Variants in LNPK observed in about 807,000 individuals in gnomAD.
LNPK encodes lunapark, ER junction formation factor.
LNPK carries 29 observed loss-of-function variants against 55.2 expected under a neutral mutation model. The ratio of observed to expected loss-of-function variants is 0.53; its 90% CI spans 0.39 to 0.72. LNPK has a LOEUF of 0.72. LNPK is among the 30% of genes least tolerant of loss of function. LNPK has a pLI of 0.00. For synonymous variants in LNPK, 162 were observed against 168.2 expected, an observed-to-expected ratio of 0.96 and a Z score of 0.29; for missense variants, 467 against 494.8, an observed-to-expected ratio of 0.94 and a Z score of 0.53.
At chr2:175,987,098 A>G (rs1687456325) in intron 4 of LNPK, among the ~76,000 whole-genome samples, 1 of 152,206 alleles carries the variant, frequency 6.6e-6, no homozygotes, top group African/African-American at 2.4e-5. Context: ...CAATAAGACT[A>G]TTATTGTAGT....
At position 175,992,367 on chromosome 2, in the gene LNPK, A is replaced by C; in HGVS notation, c.121T>G (p.Leu41Val). The C allele has an allele frequency of 6.6e-7, 1 of 1,521,784 alleles. No homozygotes were observed. The highest frequency in any genetic ancestry group is 8.8e-7 in the Non-Finnish European group (1 of 1,141,470). 94.3% of individuals were successfully genotyped at this position (1,521,784 alleles called of 1,614,324 possible). Residue 41 changes from leucine (L) to valine (V), a missense_variant, in exon 4 of 13, where the codon TTA (leucine) becomes GTA (valine). Physicochemically the swap from Leu to Val is conservative, Grantham distance 32 (BLOSUM62 1). Coordinates refer to ENST00000272748, the MANE Select transcript of LNPK (RefSeq NM_030650.3). ...FREKNQRLQK[L>V]WVGRLILYSS... ...TACAGAATTAATCTTCCAACCCATA[A>C]TTTTTGTAATCTCTGATTTTTTTCC...
intron 9 of LNPK, among the ~76,000 whole-genome samples, chr2:175,946,130 T>A (rs760450843): frequency 5.9e-5 from 9 of 152,198 alleles, no homozygotes; most frequent in Non-Finnish European, 1.2e-4. Flanking sequence ...TACATGATCA[T>A]AAAATCTAGG....
chr2:175,941,899 G>A (rs2105544946), intron 9 of LNPK, among the ~76,000 whole-genome samples: 1 of 137,966 alleles, frequency 7.2e-6, no homozygotes. Context: ...AATGACAGCA[G>A]ACTTCTCATC....
At chr2:175,984,084 T>A (rs968263456) in intron 4 of LNPK, among the ~76,000 whole-genome samples, 4 of 151,950 alleles carry the variant, frequency 2.6e-5, no homozygotes, top group Non-Finnish European at 4.4e-5. Flanking sequence ...ATTAAAAACT[T>A]TTGCTCTGCA....
chr2:175,999,014 T>C (rs1688064844), intron 1 of LNPK, among the ~76,000 whole-genome samples: 1 of 152,212 alleles, frequency 6.6e-6, no homozygotes, highest in Non-Finnish European at 1.5e-5. Flanking sequence ...CTTTTAAATT[T>C]GTACTCTAAA....
intron 4 of LNPK, among the ~76,000 whole-genome samples, chr2:175,982,630 A>G (rs930393372): frequency 1.3e-5 from 2 of 152,156 alleles, no homozygotes; most frequent in Admixed American, 1.3e-4. Context: ...CCTGGCCTCA[A>G]GTGATTCTCC....
chr2:175,981,558 T>G (rs1351870808), intron 4 of LNPK, among the ~76,000 whole-genome samples: 1 of 151,986 alleles, frequency 6.6e-6, no homozygotes, highest in African/African-American at 2.4e-5. Flanking sequence ...AAAAGGAAAC[T>G]AAACATAGGC....
chr2:175,960,564 G>A (rs539704738), intron 8 of LNPK, among the ~76,000 whole-genome samples: 1 of 152,316 alleles, frequency 6.6e-6, no homozygotes, highest in African/African-American at 2.4e-5. Context: ...AAAGCAGCGT[G>A]TAGAGGGAAA....
At chr2:175,986,548 T>C (rs1035754351) in intron 4 of LNPK, among the ~76,000 whole-genome samples, 1 of 151,862 alleles carries the variant, frequency 6.6e-6, no homozygotes, top group Admixed American at 6.6e-5. Flanking sequence ...TTTCAACAAA[T>C]AAAGAATGAA....
chr2:175,936,925 C>A (rs1287796008), intron 12 of LNPK, among the ~76,000 whole-genome samples: 2 of 152,142 alleles, frequency 1.3e-5, no homozygotes, highest in African/African-American at 2.4e-5. Flanking sequence ...CTGGTAATTT[C>A]TACCAATTTG....
At chr2:175,942,935 AAAG>A (rs1368455968) in intron 9 of LNPK, among the ~76,000 whole-genome samples, 3 of 151,308 alleles carry the variant, frequency 2.0e-5, no homozygotes, top group Non-Finnish European at 4.4e-5. Context: ...GAAAAAAAAA[AAAG>A]AAGATACAAA....
In LNPK at chr2:175,924,672, T is replaced by G; in HGVS notation, c.*5295A>C. ...AAGGAATACCTGAGGCTGGGTAATT[T>G]ACTGAAAAAAAAACAAAACAAACAA... is the stretch of plus-strand genomic sequence containing the variant. On this transcript the variant is annotated 3_prime_UTR_variant, in exon 13 of 13. Coordinates refer to ENST00000272748, the MANE Select transcript of LNPK (RefSeq NM_030650.3). 1 of 140,798 alleles carries G rather than the reference T, an allele frequency of 7.1e-6. No individual in the cohort carries two copies. The allele number at this position is 140,798 out of a possible 1,614,324, so 8.7% of individuals were successfully genotyped here.
At chr2:175,955,872 T>TA (rs1685667497) in intron 8 of LNPK, among the ~76,000 whole-genome samples, 1 of 152,214 alleles carries the variant, frequency 6.6e-6, no homozygotes, top group African/African-American at 2.4e-5. Context: ...TGTGGCAAGA[T>TA]ACAATTGACT....
intron 9 of LNPK, 198 bp from the exon 10 acceptor site, chr2:175,939,855 T>C (rs899312619): frequency 6.7e-6 from 3 of 445,742 alleles, no homozygotes; most frequent in Non-Finnish European, 3.9e-6. Flanking sequence ...TATTTAAATA[T>C]GTGCTATATT....
chr2:175,936,159 C>T (rs895989644), intron 12 of LNPK, among the ~76,000 whole-genome samples: 4 of 152,148 alleles, frequency 2.6e-5, no homozygotes, highest in African/African-American at 9.7e-5. Flanking sequence ...ATGCTGCAGA[C>T]TTGGAGAAGA....
At chr2:175,976,092 A>G (rs1156702165) in intron 5 of LNPK, among the ~76,000 whole-genome samples, 2 of 152,188 alleles carry the variant, frequency 1.3e-5, no homozygotes, top group Non-Finnish European at 2.9e-5. Context: ...GTGTGGCTGG[A>G]GCAGAAGTGA....
At chr2:175,955,675 C>A (rs1204562825) in intron 8 of LNPK, among the ~76,000 whole-genome samples, 1 of 151,978 alleles carries the variant, frequency 6.6e-6, no homozygotes, top group Non-Finnish European at 1.5e-5. Context: ...CAAAAAACAG[C>A]AAAATATAAA....
intron 8 of LNPK, among the ~76,000 whole-genome samples, chr2:175,960,775 G>C (rs1298926244): frequency 6.6e-6 from 1 of 152,082 alleles, no homozygotes; most frequent in African/African-American, 2.4e-5. Context: ...TCCAGGAGCT[G>C]GTTTTTGAAA....
At chr2:175,980,969 T>TG (rs1341041032) in intron 4 of LNPK, among the ~76,000 whole-genome samples, 1 of 151,844 alleles carries the variant, frequency 6.6e-6, no homozygotes, top group Admixed American at 6.6e-5. Flanking sequence ...AAACATACAT[T>TG]GTATCTCTTG....
Sources: allele counts gnomAD v4.1 joint callset (sites outside exome capture counted in the v4.1 genomes callset), GRCh38; gene constraint gnomAD v4.1.1; transcripts MANE v1.5; gene names NCBI Gene and HGNC (gene_info 2026-07-23, HGNC 2026-07-21).